The following SMG6 variants were observed in gnomAD, a reference collection of about 807,000 sequenced individuals.
SMG6 encodes telomerase-binding protein EST1A.
Under a neutral mutation model 142.2 loss-of-function variants are expected in SMG6, and 66 were observed. That is an observed-to-expected ratio of 0.46 (90% CI 0.38 to 0.57). The LOEUF (loss-of-function observed/expected upper bound fraction) is 0.57, where lower values mean the gene tolerates loss of function less well. Ranked by LOEUF, SMG6 falls within the 20% of genes least tolerant of loss-of-function variation. The pLI is 0.00. For missense variants in SMG6, 1,793 were observed against 1,832.0 expected (o/e 0.98, Z 0.39); for synonymous variants, 779 against 702.4 (o/e 1.11, Z -1.72).
chr17:2,123,565 C>T (rs182366968), intron 13 of SMG6, among the ~76,000 whole-genome samples: 1 of 152,304 alleles, frequency 6.6e-6, no homozygotes, highest in Non-Finnish European at 1.5e-5. Flanking sequence ...TACACTTCTG[C>T]CCACACTCTT....
intron 13 of SMG6, among the ~76,000 whole-genome samples, chr17:2,156,288 G>A (rs201862462): frequency 2.7e-5 from 4 of 148,658 alleles, no homozygotes; most frequent in Admixed American, 6.8e-5. Context: ...CAGCTACTCC[G>A]GAGGCTGAGG....
rs2067765945 is a variant in SMG6, at chr17:2,061,273, G to A, written c.*219C>T. The stretch of plus-strand genomic sequence containing the variant: ...CCAGCCACCTCCCTGCTAAATCCTG[G>A]CAGCCCAGGAGGGTCCCAGCAGCTT... On this transcript the variant is annotated 3_prime_UTR_variant, in exon 19 of 19. Transcript: ENST00000263073. 2 of 484,200 alleles carry A rather than the reference G, an allele frequency of 4.1e-6. No individual in the cohort carries two copies. Among genetic ancestry groups the A allele is most frequent in the Admixed American group, 3.5e-5 (1 of 28,196 alleles). The allele number at this position is 484,200 out of a possible 1,614,324, so 30.0% of individuals were successfully genotyped here. A position where few individuals can be genotyped will look rare whatever the true frequency, so the allele number is the denominator to read the frequency against.
Position 2,071,719 on chromosome 17 carries a change from G to C in SMG6, c.3682-2788C>G, listed in dbSNP as rs1426084581. On this transcript the variant is annotated intron_variant, in intron 15 of 18. Coordinates refer to ENST00000263073, the MANE Select transcript of SMG6 (RefSeq NM_017575.5). The surrounding 1 kb of genome is among the most constrained non-coding windows in gnomAD (Gnocchi z 5.6). ...GATGAAGCTGCTCCCTTTTCTCCTG[G>C]GGTACCGGTGGGCCTCTGGGCGGGG... Among the ~76,000 whole-genome samples, 1 of 125,050 alleles carries C rather than the reference G, an allele frequency of 8.0e-6. No individual in the cohort carries two copies. Among genetic ancestry groups the C allele is most frequent in the Admixed American group, 8.5e-5 (1 of 11,756 alleles). 82.0% of individuals were successfully genotyped at this position (125,050 alleles called of 152,430 possible). A position where few individuals can be genotyped will look rare whatever the true frequency, so the allele number is the denominator to read the frequency against.
chr17:2,080,163 A>AATC (rs1180827208), intron 15 of SMG6, among the ~76,000 whole-genome samples: 1 of 151,784 alleles, frequency 6.6e-6, no homozygotes, highest in Non-Finnish European at 1.5e-5. Context: ...TCATGCCTGT[A>AATC]ATCCCAGCAC....
chr17:2,130,863 G>GCACCA (rs2070098234), intron 13 of SMG6, among the ~76,000 whole-genome samples: 1 of 152,008 alleles, frequency 6.6e-6, no homozygotes, highest in Non-Finnish European at 1.5e-5. Context: ...AATTAGCTGG[G>GCACCA]CGTGGTGGCA....
In SMG6 at chr17:2,271,288, G is replaced by A. The variant is rs368010237; in HGVS notation, c.2661+11359C>T. 2.6e-5 allele frequency among the ~76,000 whole-genome samples: 4 copies of A among 151,240 alleles called. No homozygotes were observed. In the East Asian group the frequency reaches 5.9e-4, roughly 22 times the overall value. On this transcript the variant is annotated intron_variant, in intron 8 of 18. Transcript: ENST00000263073. The stretch of plus-strand genomic sequence containing the variant: ...GTATTTTTAGTAGAGACGGGGTTTC[G>A]CCATGTTGGCCAGGCTGGTCTTGGA...
At chr17:2,239,203 G>A (rs1039456296) in intron 9 of SMG6, among the ~76,000 whole-genome samples, 2 of 152,098 alleles carry the variant, frequency 1.3e-5, no homozygotes, top group African/African-American at 4.8e-5. Context: ...AAGAATACAC[G>A]CCCTGATGTC....
intron 10 of SMG6, among the ~76,000 whole-genome samples, chr17:2,209,234 T>C (rs1178166343): frequency 6.6e-6 from 1 of 152,188 alleles, no homozygotes; most frequent in Non-Finnish European, 1.5e-5. Flanking sequence ...TGTATTGAGA[T>C]GGAGTCTCCC....
chr17:2,301,435 T>C (rs1268064212), intron 1 of SMG6, among the ~76,000 whole-genome samples: 2 of 152,188 alleles, frequency 1.3e-5, no homozygotes, highest in African/African-American at 4.8e-5. Context: ...GATGGAATTA[T>C]TAGAAAAAAG....
At chr17:2,168,228 C>T (rs1415971979) in intron 13 of SMG6, among the ~76,000 whole-genome samples, 1 of 151,868 alleles carries the variant, frequency 6.6e-6, no homozygotes, top group Non-Finnish European at 1.5e-5. Flanking sequence ...GAGTCTCACT[C>T]TGTCACCCAG....
At chr17:2,271,059 G>A (rs2074532617) in intron 8 of SMG6, among the ~76,000 whole-genome samples, 1 of 151,580 alleles carries the variant, frequency 6.6e-6, no homozygotes, top group Non-Finnish European at 1.5e-5. Flanking sequence ...AGCACTTTGG[G>A]AGGTTGAAGC....
chr17:2,244,458 CAA>C (rs769811938), intron 9 of SMG6, among the ~76,000 whole-genome samples, 198 bp downstream of exon 9: 37 of 152,020 alleles, frequency 2.4e-4, no homozygotes, highest in Non-Finnish European at 4.6e-4. Context: ...AAAGAAGAAA[CAA>C]GAGAGATAGA....
At position 2,282,708 on chromosome 17, in the gene SMG6, C is replaced by G. The variant is rs1382190202; in HGVS notation, c.2600G>C (p.Gly867Ala). ...IHPSHPRSSQ[G>A]TESGKDSEQE... ...CTCAGAATCCTTCCCAGACTCAGTG[C>G]CCTGGGAAGACCGTGGATGGGATGG... Residue 867 changes from glycine to alanine, a missense_variant, in exon 8 of 19, where the codon GGC (glycine) becomes GCC (alanine). Physicochemically the swap from Gly to Ala is moderately conservative, Grantham distance 60 (BLOSUM62 0). Around this residue, in one of 3 missense-constraint regions of SMG6, gnomAD observed 1,597 missense variants for 1,584.6 expected, o/e 1.01. Transcript: ENST00000263073. 4 of 1,614,102 alleles carry G rather than the reference C, an allele frequency of 2.5e-6. No individual in the cohort carries two copies. The East Asian group carries it at 8.9e-5, about 36-fold the overall frequency.
intron 8 of SMG6, among the ~76,000 whole-genome samples, chr17:2,249,940 G>A (rs988911087): frequency 6.6e-6 from 1 of 152,158 alleles, no homozygotes; most frequent in South Asian, 2.1e-4. Context: ...CATTAACTGT[G>A]GGATTATAAG....
At chr17:2,139,762 G>A (rs1008428516) in intron 13 of SMG6, among the ~76,000 whole-genome samples, 5 of 151,820 alleles carry the variant, frequency 3.3e-5, no homozygotes, top group Non-Finnish European at 7.4e-5. Context: ...GTTTCGCTCT[G>A]TCACCCAGGC....
chr17:2,153,577 TG>T (rs2070892597), intron 13 of SMG6, among the ~76,000 whole-genome samples: 1 of 150,766 alleles, frequency 6.6e-6, no homozygotes, highest in African/African-American at 2.4e-5. Context: ...ACGCGGTGAC[TG>T]GGGGAACCTG....
At chr17:2,112,544 T>C (rs1348776486) in intron 13 of SMG6, among the ~76,000 whole-genome samples, 1 of 147,426 alleles carries the variant, frequency 6.8e-6, no homozygotes, top group Non-Finnish European at 1.5e-5. Context: ...AATAAATAAA[T>C]AAATAAATAA....
chr17:2,083,199 C>G (rs1400045377), intron 14 of SMG6, among the ~76,000 whole-genome samples: 1 of 152,180 alleles, frequency 6.6e-6, no homozygotes, highest in Non-Finnish European at 1.5e-5. Flanking sequence ...AGGCCTGCTG[C>G]AGGCCCACCC....
rs2075238056 is a variant in SMG6, at chr17:2,299,950, G to A, written c.803C>T (p.Ala268Val). 6.2e-7 allele frequency: 1 copy of A among 1,614,118 alleles called. No homozygotes were observed. Among genetic ancestry groups the A allele is most frequent in the South Asian group, 1.1e-5 (1 of 91,084 alleles). Residue 268 changes from alanine to valine, a missense_variant, in exon 2 of 19, where the codon GCT becomes GTT. By Grantham distance (64) the Ala-to-Val change is moderately conservative. This residue lies in a region of SMG6 where 1,597 missense variants were observed against 1,584.6 expected (regional missense o/e 1.01). Coordinates refer to ENST00000263073, the MANE Select transcript of SMG6 (RefSeq NM_017575.5). This position sits in a 1 kb window ranked among gnomAD's most constrained non-coding sequence, Gnocchi z 4.3. Reference sequence around the variant, plus strand: ...ATTATCCGTCAGGCCAGCTCCCTCAGCGCTGTTGTTGCTGCCAGCTGAGCT... The same window carrying A: ...ATTATCCGTCAGGCCAGCTCCCTCAACGCTGTTGTTGCTGCCAGCTGAGCT... ...STSSAGSNNSAEGAGLTDNGC... is the reference protein window; with the variant it reads ...STSSAGSNNSVEGAGLTDNGC...
Sources: allele counts gnomAD v4.1 joint callset (sites outside exome capture counted in the v4.1 genomes callset), GRCh38; gene constraint gnomAD v4.1.1; regional missense constraint gnomAD v4.1.1; non-coding constraint Gnocchi (gnomAD v3.1); transcripts MANE v1.5; gene names NCBI Gene and HGNC (gene_info 2026-07-23, HGNC 2026-07-21).